The following DOCK4 variants were observed in gnomAD, a reference collection of about 807,000 sequenced individuals.
DOCK4 encodes the protein dedicator of cytokinesis 4, also known as dedicator of cytokinesis protein 4.
In DOCK4, 97 loss-of-function variants were observed where a neutral mutation model predicts 268.1. The ratio of observed to expected loss-of-function variants is 0.36; its 90% CI spans 0.31 to 0.43. DOCK4 has a LOEUF of 0.43. Ranked by LOEUF, DOCK4 falls within the 20% of genes least tolerant of loss-of-function variation. DOCK4 has a pLI of 1.00. For synonymous variants in DOCK4, 954 were observed against 887.2 expected, an observed-to-expected ratio of 1.08 and a Z score of -1.34; for missense variants, 2,145 against 2,455.7, an observed-to-expected ratio of 0.87 and a Z score of 2.67.
chr7:111,858,183 C>T (rs1039410022), intron 23 of DOCK4, among the ~76,000 whole-genome samples: 1 of 152,140 alleles, frequency 6.6e-6, no homozygotes, highest in Non-Finnish European at 1.5e-5. Flanking sequence ...ATTTCATTCC[C>T]TTCTTTGGTG....
At chr7:111,832,798 G>A (rs1319657213) in intron 26 of DOCK4, among the ~76,000 whole-genome samples, 2 of 152,234 alleles carry the variant, frequency 1.3e-5, no homozygotes, top group Non-Finnish European at 2.9e-5. Flanking sequence ...GGGATTACAG[G>A]CCTGAGCCAC....
At chr7:111,808,522 T>C in intron 30 of DOCK4, 1 of 273,412 alleles carries the variant, frequency 3.7e-6, no homozygotes, top group East Asian at 6.7e-5. Context: ...TTCCAAATTC[T>C]GAAAGGTTGC....
intron 1 of DOCK4, among the ~76,000 whole-genome samples, chr7:112,110,372 A>C (rs1323607694): frequency 1.3e-5 from 2 of 152,308 alleles, no homozygotes; most frequent in East Asian, 3.9e-4. Flanking sequence ...GTCCAGGGTG[A>C]TATATTTATA....
In DOCK4 at chr7:111,728,701, G is replaced by T; in HGVS notation, c.5501C>A (p.Thr1834Asn). 1.2e-6 allele frequency: 2 copies of T among 1,612,658 alleles called. No homozygotes were observed. Among genetic ancestry groups the T allele is most frequent in the Non-Finnish European group, 1.7e-6 (2 of 1,179,298 alleles). The change falls in exon 53 of 53, where the codon ACC becomes AAC. Residue 1834 changes from threonine (T) to asparagine (N), a missense_variant. Physicochemically the swap from Thr to Asn is moderately conservative, Grantham distance 65. This residue lies in a region of DOCK4 where 547 missense variants were observed against 469.0 expected (regional missense o/e 1.17). Coordinates refer to ENST00000428084, the MANE Select transcript of DOCK4 (RefSeq NM_001363540.2). ...SPLKGSVQSF[T>N]PSPVEYHSPG... is the part of the protein sequence containing the mutation. ...CGAGTGGTACTCCACTGGAGAGGGGGTGAAAGACTGCACAGAGCCCTGCTC... is the reference window on the plus strand; with the variant it reads ...CGAGTGGTACTCCACTGGAGAGGGGTTGAAAGACTGCACAGAGCCCTGCTC...
chr7:112,082,537 T>C (rs1168675280), intron 1 of DOCK4, among the ~76,000 whole-genome samples: 4 of 152,210 alleles, frequency 2.6e-5, no homozygotes, highest in African/African-American at 9.7e-5. Flanking sequence ...ATAAATTTCG[T>C]AATTGTTGTT....
At chr7:111,852,050 G>T (rs933028308) in intron 23 of DOCK4, among the ~76,000 whole-genome samples, 3 of 141,234 alleles carry the variant, frequency 2.1e-5, no homozygotes, top group Non-Finnish European at 4.5e-5. Context: ...TGCAACTTCC[G>T]CCTCCTGGGT....
At chr7:111,917,705 TAAA>T (rs555037371) in intron 12 of DOCK4, among the ~76,000 whole-genome samples, 1 of 106,674 alleles carries the variant, frequency 9.4e-6, no homozygotes, top group Non-Finnish European at 2.1e-5. Flanking sequence ...GACCCCATAA[TAAA>T]AAAAAAAAAA....
chr7:112,200,728 A>AAAAAT (rs1554478858), intron 1 of DOCK4, among the ~76,000 whole-genome samples: 13 of 119,554 alleles, frequency 1.1e-4, no homozygotes, highest in Non-Finnish European at 1.8e-4. Flanking sequence ...TCTAAAATAA[A>AAAAAT]AAAAAAAAAA....
chr7:111,742,269 T>C, intron 44 of DOCK4, 137 bp from the exon 45 acceptor site: 1 of 831,930 alleles, frequency 1.2e-6, no homozygotes, highest in Non-Finnish European at 1.7e-6. Context: ...TAGGAACAGC[T>C]GTCACTTTAC....
intron 1 of DOCK4, among the ~76,000 whole-genome samples, chr7:112,072,435 T>G (rs1807680536): frequency 1.3e-5 from 2 of 152,206 alleles, no homozygotes; most frequent in Admixed American, 6.5e-5. Flanking sequence ...GGTTTGGGGA[T>G]GCAGACAAAA....
At position 112,206,252 on chromosome 7, in the gene DOCK4, G is replaced by C; in HGVS notation, c.-114C>G. ...CAGTGCCGGAGCCCAGCGGCTTCGC[G>C]CGGGCTGCGGGCGCTGGGCAGGATC... On this transcript the variant is annotated 5_prime_UTR_variant, in exon 1 of 53. Transcript: ENST00000428084. 1 of 1,193,302 alleles carries C rather than the reference G, an allele frequency of 8.4e-7. No homozygotes were observed. The highest frequency in any genetic ancestry group is 1.2e-6 in the Non-Finnish European group (1 of 837,448). 73.9% of individuals were successfully genotyped at this position (1,193,302 alleles called of 1,614,324 possible).
intron 1 of DOCK4, among the ~76,000 whole-genome samples, chr7:112,013,980 T>C (rs1387623542): frequency 1.3e-5 from 2 of 152,208 alleles, no homozygotes; most frequent in Non-Finnish European, 2.9e-5. Flanking sequence ...ACCTAGTGGG[T>C]ACTCAACAAG....
intron 1 of DOCK4, among the ~76,000 whole-genome samples, chr7:112,119,983 G>T (rs1453113704): frequency 6.6e-6 from 1 of 151,910 alleles, no homozygotes; most frequent in Non-Finnish European, 1.5e-5. Context: ...AAGTAGCTGG[G>T]ACTACAGGTG....
At chr7:111,995,148 T>C (rs550110155) in intron 4 of DOCK4, among the ~76,000 whole-genome samples, 2 of 151,936 alleles carry the variant, frequency 1.3e-5, no homozygotes, top group African/African-American at 4.8e-5. Flanking sequence ...TCTCCTGCCT[T>C]GGCCTCCCGA....
chr7:111,786,872 A>G (rs138798864), intron 32 of DOCK4, among the ~76,000 whole-genome samples: 1 of 152,344 alleles, frequency 6.6e-6, no homozygotes, highest in East Asian at 1.9e-4. Flanking sequence ...TAGTAATGAC[A>G]CTTAAGTATC....
intron 12 of DOCK4, among the ~76,000 whole-genome samples, chr7:111,931,420 TAAG>T (rs1794192068): frequency 6.6e-6 from 1 of 152,128 alleles, no homozygotes; most frequent in Non-Finnish European, 1.5e-5. Flanking sequence ...AGGATTCCAG[TAAG>T]AATAAGGAGC....
chr7:112,121,004 G>A (rs182965985), intron 1 of DOCK4, among the ~76,000 whole-genome samples: 53 of 152,226 alleles, frequency 3.5e-4, no homozygotes, highest in Non-Finnish European at 5.3e-4. Flanking sequence ...GGCATCAAGG[G>A]AATTCACCCC....
rs767799916 is a variant in DOCK4, at chr7:111,782,938, G to A, written c.3525-14C>T. On this transcript the variant is annotated splice_polypyrimidine_tract_variant and intron_variant, in intron 34 of 52. Transcript: ENST00000428084. Reference sequence around the variant, plus strand: ...TTCATGCAGTCCCTAAAAACAAAAAGCAATAGTCAGAACTCAGAACTTCCT... The same window carrying A: ...TTCATGCAGTCCCTAAAAACAAAAAACAATAGTCAGAACTCAGAACTTCCT... The A allele has an allele frequency of 1.3e-6, 2 of 1,597,042 alleles. No homozygotes were observed. The highest frequency in any genetic ancestry group is 1.7e-6 in the Non-Finnish European group (2 of 1,171,800).
intron 13 of DOCK4, among the ~76,000 whole-genome samples, chr7:111,903,463 CA>C (rs570426090): frequency 4.5e-4 from 68 of 152,324 alleles, no homozygotes; most frequent in African/African-American, 1.5e-3. Flanking sequence ...CATATTTCAA[CA>C]CTTTAAAAAT....
Sources: allele counts gnomAD v4.1 joint callset (sites outside exome capture counted in the v4.1 genomes callset), GRCh38; gene constraint gnomAD v4.1.1; regional missense constraint gnomAD v4.1.1; transcripts MANE v1.5; gene names NCBI Gene and HGNC (gene_info 2026-07-23, HGNC 2026-07-21).